Variants in KIR3DL2 observed in about 807,000 individuals in gnomAD.
KIR3DL2 encodes the protein killer cell immunoglobulin like receptor, three Ig domains and long cytoplasmic tail 2, also known as killer cell immunoglobulin-like receptor 3DL2.
In KIR3DL2, 42 loss-of-function variants were observed where a neutral mutation model predicts 41.6. The observed-to-expected ratio is 1.01, with a 90% CI of 0.79 to 1.31. The LOEUF (loss-of-function observed/expected upper bound fraction) is 1.31. Ranked by LOEUF, KIR3DL2 falls within the 50% of genes most tolerant of loss-of-function variation. The probability of loss-of-function intolerance (pLI) is 0.00; values close to 1 mark genes in which losing one functional copy is unlikely to be tolerated. For synonymous variants in KIR3DL2, 230 were observed against 221.3 expected, an observed-to-expected ratio of 1.04 and a Z score of -0.35; for missense variants, 728 against 576.8, an observed-to-expected ratio of 1.26 and a Z score of -2.68.
chr19:54,861,416 C>A (rs1241663209), intron 6 of KIR3DL2, among the ~76,000 whole-genome samples: 2 of 151,992 alleles, frequency 1.3e-5, no homozygotes, highest in African/African-American at 2.4e-5. Flanking sequence ...GAGGCCAACG[C>A]GGGTGGATCA....
rs1297827203 is a variant in KIR3DL2, at chr19:54,866,363, C to T, written c.1106-7C>T. ...CAAGCGGTTTTGATGACTTCCGTCT[C>T]CTACAGATGCTGCTGTAATGGACCA... On this transcript the variant is annotated splice_region_variant and splice_polypyrimidine_tract_variant and intron_variant, in intron 7 of 8. Coordinates refer to ENST00000326321, the MANE Select transcript of KIR3DL2 (RefSeq NM_006737.4). 1 of 1,613,850 alleles carries T rather than the reference C, an allele frequency of 6.2e-7. No homozygotes were observed. Among genetic ancestry groups the T allele is most frequent in the East Asian group, 2.2e-5 (1 of 44,868 alleles).
intron 1 of KIR3DL2, 23 bp from the exon 2 acceptor site, chr19:54,851,197 T>A: frequency 6.2e-7 from 1 of 1,610,146 alleles, no homozygotes. Context: ...AGTTGGATCG[T>A]CTATCATGAT....
chr19:54,867,009 A>T lies in KIR3DL2; in HGVS notation c.*278A>T. On this transcript the variant is annotated 3_prime_UTR_variant, in exon 9 of 9. Coordinates refer to ENST00000326321, the MANE Select transcript of KIR3DL2 (RefSeq NM_006737.4). ...TAGTCCTACTTGAGGCTGCAATCACACTGAGGAACTCACAATTCCAAACAT... is the reference window on the plus strand; with the variant it reads ...TAGTCCTACTTGAGGCTGCAATCACTCTGAGGAACTCACAATTCCAAACAT... The T allele has an allele frequency of 2.0e-6, 1 of 505,804 alleles. No homozygotes were observed. Among genetic ancestry groups the T allele is most frequent in the Non-Finnish European group, 3.5e-6 (1 of 285,648 alleles). The allele number at this position is 505,804 out of a possible 1,614,324, so 31.3% of individuals were successfully genotyped here. A position where few individuals can be genotyped will look rare whatever the true frequency, so the allele number is the denominator to read the frequency against.
Position 54,866,711 on chromosome 19 carries a change from G to A in KIR3DL2, c.1348G>A (p.Gly450Ser), listed in dbSNP as rs118131342. 5,432 of 1,613,888 alleles carry A rather than the reference G, an allele frequency of 3.4e-3. 35 individuals are homozygous for A. The highest frequency in any genetic ancestry group is 4.0e-3 in the Non-Finnish European group (4,751 of 1,179,942). Residue 450 changes from glycine to serine, a missense_variant, in exon 9 of 9, where the codon GGT (glycine) becomes AGT (serine). Physicochemically the swap from Gly to Ser is moderately conservative, Grantham distance 56 (BLOSUM62 0). Coordinates refer to ENST00000326321, the MANE Select transcript of KIR3DL2 (RefSeq NM_006737.4). ...VVSCPRAPQS[G>S]LEGVF Reference sequence around the variant, plus strand: ...CTCCTGCCCACGAGCACCACAGTCAGGTCTTGAGGGGGTTTTCTAGGGAGA... The same window carrying A: ...CTCCTGCCCACGAGCACCACAGTCAAGTCTTGAGGGGGTTTTCTAGGGAGA...
chr19:54,855,489 G>A (rs1358887352), intron 4 of KIR3DL2, 130 bp from the exon 5 acceptor site: 1 of 1,362,404 alleles, frequency 7.3e-7, no homozygotes, highest in Non-Finnish European at 9.9e-7. Flanking sequence ...CATGAAGAGA[G>A]TTGGGGTGGA....
chr19:54,852,348 G>A (rs1476372021), intron 3 of KIR3DL2, 66 bp downstream of exon 3: 13 of 1,571,336 alleles, frequency 8.3e-6, no homozygotes, highest in Admixed American at 3.6e-5. Flanking sequence ...TCTGGTGGGG[G>A]TGTCCATCAG....
chr19:54,857,993 T>C lies in KIR3DL2; in HGVS notation c.950-1086T>C, dbSNP rs1397979507. On this transcript the variant is annotated intron_variant, in intron 5 of 8. Coordinates refer to ENST00000326321, the MANE Select transcript of KIR3DL2 (RefSeq NM_006737.4). ...ATGTCTCCTCATGTCTTTTGCTCGTTTTTTAATTAAATTGTTTTATTGAGT... is the reference window on the plus strand; with the variant it reads ...ATGTCTCCTCATGTCTTTTGCTCGTCTTTTAATTAAATTGTTTTATTGAGT... Among the ~76,000 whole-genome samples, 24 of 151,796 alleles carry C rather than the reference T, an allele frequency of 1.6e-4. 1 individual carries two copies. Among genetic ancestry groups the C allele is most frequent in the African/African-American group, 5.8e-4 (24 of 41,126 alleles).
chr19:54,865,992 T>G (rs200943273), intron 7 of KIR3DL2, 83 bp downstream of exon 7: 99 of 1,194,412 alleles, frequency 8.3e-5, no homozygotes, highest in Non-Finnish European at 1.1e-4. Context: ...TGTTCCTCAC[T>G]GGCAGGATGG....
chr19:54,855,340 T>C (rs1306863127), intron 4 of KIR3DL2, among the ~76,000 whole-genome samples: 1 of 147,534 alleles, frequency 6.8e-6, no homozygotes, highest in Admixed American at 6.8e-5. Flanking sequence ...CTCAGAATTA[T>C]AGAAAAAGGA....
chr19:54,855,276 TAGATA>T (rs2064653460), intron 4 of KIR3DL2, among the ~76,000 whole-genome samples: 1 of 151,360 alleles, frequency 6.6e-6, no homozygotes. Flanking sequence ...AATAGATAGA[TAGATA>T]ATAGATAGAA....
chr19:54,866,739 A>G lies in KIR3DL2; in HGVS notation c.*8A>G, dbSNP rs199835584. On this transcript the variant is annotated 3_prime_UTR_variant, in exon 9 of 9. Transcript: ENST00000326321. ...CTTGAGGGGGTTTTCTAGGGAGACA[A>G]CAGCCCTGTCTCAAAACCAGGTTGC... The G allele has an allele frequency of 1.3e-5, 21 of 1,613,042 alleles. No individual in the cohort carries two copies. The highest frequency in any genetic ancestry group is 2.2e-5 in the South Asian group (2 of 91,036).
At chr19:54,851,671 G>A (rs2064252399) in intron 2 of KIR3DL2, among the ~76,000 whole-genome samples, 1 of 151,732 alleles carries the variant, frequency 6.6e-6, no homozygotes, top group African/African-American at 2.4e-5. Flanking sequence ...CAAATCCTCT[G>A]AGGGGGCTCA....
Position 54,855,887 on chromosome 19 carries a change from T to C in KIR3DL2, c.924T>C (p.Ser308=). 6.2e-7 allele frequency: 1 copy of C among 1,613,602 alleles called. No homozygotes were observed. ...RALPCVWSNS[S]DPLLVSVTGN... Reference sequence around the variant, plus strand: ...TGCCCTGCGTGTGGTCAAACTCAAGTGACCCACTGCTTGTTTCTGTCACAG... The same window carrying C: ...TGCCCTGCGTGTGGTCAAACTCAAGCGACCCACTGCTTGTTTCTGTCACAG... Residue 308 remains serine (S), a synonymous_variant, in exon 5 of 9, where the codon AGT becomes AGC. Transcript: ENST00000326321.
chr19:54,858,861 TC>T (rs2064980303), intron 5 of KIR3DL2, among the ~76,000 whole-genome samples: 1 of 152,036 alleles, frequency 6.6e-6, no homozygotes, highest in Non-Finnish European at 1.5e-5. Context: ...GTAACATATT[TC>T]TAAGTCAGGT....
At chr19:54,857,203 A>C in intron 5 of KIR3DL2, among the ~76,000 whole-genome samples, 1 of 150,186 alleles carries the variant, frequency 6.7e-6, no homozygotes. Context: ...GATTCTCCTG[A>C]CTCAGCCTCC....
rs190263195 is a variant in KIR3DL2 at position 54,867,073 on chromosome 19, C to T, written c.*342C>T. ...TCTTAACACGGCACTTACACACTTGCTGTTCCACCTTCCCTCATGCTGTTC... is the reference window on the plus strand; with the variant it reads ...TCTTAACACGGCACTTACACACTTGTTGTTCCACCTTCCCTCATGCTGTTC... On this transcript the variant is annotated 3_prime_UTR_variant, in exon 9 of 9. Transcript: ENST00000326321. 1.7e-3 allele frequency: 544 copies of T among 329,516 alleles called. 8 individuals carry two copies. In the East Asian group the frequency reaches 0.02, roughly 12 times the overall value. The allele number at this position is 329,516 out of a possible 1,614,324, so 20.4% of individuals were successfully genotyped here.
chr19:54,860,033 A>C (rs2065064999), intron 6 of KIR3DL2, among the ~76,000 whole-genome samples: 1 of 152,082 alleles, frequency 6.6e-6, no homozygotes, highest in African/African-American at 2.4e-5. Context: ...GGGTTCACCA[A>C]GATGAAAATC....
Position 54,855,603 on chromosome 19 carries a change from C to T in KIR3DL2, c.656-16C>T. On this transcript the variant is annotated splice_polypyrimidine_tract_variant and intron_variant, in intron 4 of 8. Transcript: ENST00000326321. ...AGGAAGAACCTCCCTGAGGAAACTG[C>T]CTCTTCTCCTTCCAGGTCTATATGA... The T allele has an allele frequency of 6.2e-7, 1 of 1,608,794 alleles. No homozygotes were observed. Among genetic ancestry groups the T allele is most frequent in the South Asian group, 1.1e-5 (1 of 90,676 alleles).
chr19:54,851,198 C>A, intron 1 of KIR3DL2, 22 bp from the exon 2 acceptor site: 1 of 1,610,576 alleles, frequency 6.2e-7, no homozygotes. Context: ...GTTGGATCGT[C>A]TATCATGATC....
Sources: gnomAD v4.1 joint callset for allele counts (sites outside exome capture counted in the v4.1 genomes callset) on GRCh38, gnomAD v4.1.1 for gene constraint, MANE v1.5 for transcripts, NCBI Gene and HGNC (gene_info 2026-07-23, HGNC 2026-07-21) for gene names.